PRSS54: variants seen among roughly 807,000 people sequenced by gnomAD.
PRSS54 encodes the protein inactive serine protease 54.
In PRSS54, 16 loss-of-function variants were observed where a neutral mutation model predicts 19.9. The ratio of observed to expected loss-of-function variants is 0.80; its 90% CI spans 0.54 to 1.22. The LOEUF (loss-of-function observed/expected upper bound fraction) is 1.22. PRSS54 is among the 50% of genes most tolerant of loss of function. PRSS54 has a pLI of 0.00. For synonymous variants in PRSS54, 177 were observed against 195.8 expected (o/e 0.90, Z 0.80); for missense variants, 444 against 494.8 (o/e 0.90, Z 0.97).
At position 58,291,262 on chromosome 16, in the gene PRSS54, T is replaced by C. The variant is rs955355897; in HGVS notation, c.86-126A>G. 3.6e-6 allele frequency: 3 copies of C among 844,964 alleles called. No homozygotes were observed. The African/African-American group carries it at 5.1e-5, about 14-fold the overall frequency. 52.3% of individuals were successfully genotyped at this position (844,964 alleles called of 1,614,324 possible). A position where few individuals can be genotyped will look rare whatever the true frequency, so the allele number is the denominator to read the frequency against. On this transcript the variant is annotated intron_variant, in intron 3 of 6. Coordinates refer to ENST00000567164, the MANE Select transcript of PRSS54 (RefSeq NM_001305173.2). ...CCCCTTTTCTTTCTTTTGCCTAGTG[T>C]GTCTTCTTCACCCTAAAAGATGCTC... is the stretch of plus-strand genomic sequence containing the variant.
chr16:58,291,075 G>T lies in PRSS54; in HGVS notation c.147C>A (p.Ser49Arg). The T allele has an allele frequency of 1.2e-6, 2 of 1,614,206 alleles. No homozygotes were observed. Among genetic ancestry groups the T allele is most frequent in the Non-Finnish European group, 1.7e-6 (2 of 1,180,038 alleles). Reference sequence around the variant, plus strand: ...ACACCACCCACGGGAACTCCATGCTGCTGACCAAGCCCTCCTTGGGGTCAG... The same window carrying T: ...ACACCACCCACGGGAACTCCATGCTTCTGACCAAGCCCTCCTTGGGGTCAG... ...YGPDPKEGLV[S>R]SMEFPWVVSL... The change falls in exon 4 of 7, where the codon AGC becomes AGA. Residue 49 changes from serine (S) to arginine (R), a missense_variant. By Grantham distance (110) the Ser-to-Arg change is moderately radical (BLOSUM62 -1). Transcript: ENST00000567164.
rs781369907 is a variant in PRSS54, at chr16:58,280,458, CCTT to C, written c.951_953del (p.Arg318del). 4.3e-6 allele frequency: 7 copies of C among 1,614,184 alleles called. No individual in the cohort carries two copies. The Admixed American group carries it at 1.0e-4, about 23-fold the overall frequency. On this transcript the variant is annotated inframe_deletion, in exon 7 of 7. Transcript: ENST00000567164. The stretch of plus-strand genomic sequence containing the variant: ...TTCCTAGTCGTGAATGCGTGATGGT[CCTT>C]CTTTGTCCCTGCAAGTATGATCCAA...
At chr16:58,290,454 T>G (rs1346361541) in intron 4 of PRSS54, among the ~76,000 whole-genome samples, 1 of 152,232 alleles carries the variant, frequency 6.6e-6, no homozygotes, top group Non-Finnish European at 1.5e-5. Context: ...TTACAGAATT[T>G]GCAGAATACA....
chr16:58,281,495 GA>G, intron 6 of PRSS54: 1 of 152,548 alleles, frequency 6.6e-6, no homozygotes, highest in Non-Finnish European at 1.5e-5. Context: ...GGGAAAATGG[GA>G]AAAGCAACAA....
intron 6 of PRSS54, chr16:58,281,830 G>A (rs1473174793): frequency 6.7e-6 from 1 of 148,498 alleles, no homozygotes; most frequent in East Asian, 2.0e-4. Context: ...CTGGGTGTGT[G>A]GTCTGTCTTG....
chr16:58,294,085 T>C lies in PRSS54; in HGVS notation c.-107A>G. On this transcript the variant is annotated 5_prime_UTR_variant, in exon 2 of 7. Transcript: ENST00000567164. ...GGCCAGAGAAGAGAGGGCAGCTTACTCTTGTCAGTTTTCTTCTCAATCCAG... is the reference window on the plus strand; with the variant it reads ...GGCCAGAGAAGAGAGGGCAGCTTACCCTTGTCAGTTTTCTTCTCAATCCAG... The C allele has an allele frequency of 2.2e-6, 1 of 461,554 alleles. No homozygotes were observed. Among genetic ancestry groups the C allele is most frequent in the East Asian group, 4.0e-5 (1 of 25,230 alleles). 28.6% of individuals were successfully genotyped at this position (461,554 alleles called of 1,614,324 possible).
At chr16:58,281,042 C>A (rs555785764) in intron 6 of PRSS54, 2 of 381,822 alleles carry the variant, frequency 5.2e-6, no homozygotes, top group Non-Finnish European at 9.4e-6. Context: ...TTTGGCCAAA[C>A]CTTCCCTCTC....
rs1964676399 is a variant in PRSS54, at chr16:58,280,119, A to G, written c.*105T>C. 2 of 1,172,370 alleles carry G rather than the reference A, an allele frequency of 1.7e-6. No homozygotes were observed. Among genetic ancestry groups the G allele is most frequent in the Admixed American group, 2.3e-5 (1 of 43,960 alleles). The allele number at this position is 1,172,370 out of a possible 1,614,324, so 72.6% of individuals were successfully genotyped here. On this transcript the variant is annotated 3_prime_UTR_variant, in exon 7 of 7. Coordinates refer to ENST00000567164, the MANE Select transcript of PRSS54 (RefSeq NM_001305173.2). Reference sequence around the variant, plus strand: ...TGTATGCCATGGGCTTATCCGTGGCAGCCCCAGTGTGCAACTATCAAAAAC... The same window carrying G: ...TGTATGCCATGGGCTTATCCGTGGCGGCCCCAGTGTGCAACTATCAAAAAC...
intron 4 of PRSS54, among the ~76,000 whole-genome samples, chr16:58,287,379 T>G (rs1167608992): frequency 1.3e-5 from 2 of 152,222 alleles, no homozygotes; most frequent in Admixed American, 6.5e-5. Flanking sequence ...AGGACAGCGC[T>G]GGGCACTGCA....
chr16:58,287,802 G>C (rs756535878), intron 4 of PRSS54, among the ~76,000 whole-genome samples: 4 of 152,144 alleles, frequency 2.6e-5, no homozygotes, highest in Admixed American at 6.5e-5. Context: ...GACTAACAAA[G>C]ATGAGGTCAT....
intron 6 of PRSS54, chr16:58,281,041 A>T: frequency 2.7e-6 from 1 of 373,402 alleles, no homozygotes; most frequent in Non-Finnish European, 4.8e-6. Context: ...CTTTGGCCAA[A>T]CCTTCCCTCT....
At chr16:58,293,847 C>T (rs755279007) in intron 2 of PRSS54, 25 bp from the exon 3 acceptor site, 1 of 1,584,886 alleles carries the variant, frequency 6.3e-7, no homozygotes, top group Non-Finnish European at 8.6e-7. Flanking sequence ...CCCAATGACT[C>T]CATCCTCTTC....
intron 4 of PRSS54, 65 bp downstream of exon 4, chr16:58,290,894 G>T: frequency 6.4e-7 from 1 of 1,565,506 alleles, no homozygotes. Flanking sequence ...GGCTGAGCAG[G>T]AAACAGGGTC....
intron 3 of PRSS54, among the ~76,000 whole-genome samples, chr16:58,292,617 A>G (rs1362345645): frequency 6.6e-6 from 1 of 152,194 alleles, no homozygotes; most frequent in African/African-American, 2.4e-5. Context: ...TTGCTGGAAC[A>G]ATGACAGACT....
rs769903904 is a variant in PRSS54, at chr16:58,286,094, T to C, written c.365A>G (p.Asp122Gly). Reference protein sequence around the residue: ...VNTIIIHEDFDNNSMSNNIAL... With the variant: ...VNTIIIHEDFGNNSMSNNIAL... ...TATGTTGTTGCTCATGGAGTTGTTA[T>C]CAAAGTCCTCATGGATGATGATGGT... Residue 122 changes from aspartate to glycine, a missense_variant, in exon 5 of 7, where the codon GAT becomes GGT. Coordinates refer to ENST00000567164, the MANE Select transcript of PRSS54 (RefSeq NM_001305173.2). The C allele has an allele frequency of 6.8e-6, 11 of 1,614,214 alleles. No homozygotes were observed. The East Asian group carries it at 1.6e-4, about 23-fold the overall frequency.
At chr16:58,289,541 G>A (rs781465816) in intron 4 of PRSS54, among the ~76,000 whole-genome samples, 19 of 151,180 alleles carry the variant, frequency 1.3e-4, no homozygotes, top group Non-Finnish European at 2.7e-4. Flanking sequence ...TTAACTGTAC[G>A]TCCTTTGGTT....
At chr16:58,285,791 G>T in intron 5 of PRSS54, 146 bp downstream of exon 5, 6 of 702,006 alleles carry the variant, frequency 8.5e-6, no homozygotes, top group Admixed American at 3.0e-5. Flanking sequence ...TGGGAGTCTT[G>T]ACTGATTAGG....
At position 58,280,061 on chromosome 16, in the gene PRSS54, G is replaced by T; in HGVS notation, c.*163C>A. ...TAGTGAAAGTGACCTTCCCACACCT[G>T]GGAGAGGGATAGAGGAGGGAGAGCC... On this transcript the variant is annotated 3_prime_UTR_variant, in exon 7 of 7. Transcript: ENST00000567164. 1.4e-6 allele frequency: 1 copy of T among 702,214 alleles called. No homozygotes were observed. Among genetic ancestry groups the T allele is most frequent in the Non-Finnish European group, 2.4e-6 (1 of 419,552 alleles). The allele number at this position is 702,214 out of a possible 1,614,324, so 43.5% of individuals were successfully genotyped here.
rs1964921835 is a variant in PRSS54, at chr16:58,286,344, T to C, written c.264-149A>G. On this transcript the variant is annotated intron_variant, in intron 4 of 6. Coordinates refer to ENST00000567164, the MANE Select transcript of PRSS54 (RefSeq NM_001305173.2). ...TCTTCCTCACCCCTTTGGACTCAAG[T>C]TTCTAGGAAATCTTTTATGAACCCC... The C allele has an allele frequency of 3.8e-6, 3 of 793,646 alleles. No homozygotes were observed. The African/African-American group carries it at 5.2e-5, about 14-fold the overall frequency. The allele number at this position is 793,646 out of a possible 1,614,324, so 49.2% of individuals were successfully genotyped here.
Sources: gnomAD v4.1 joint callset for allele counts (sites outside exome capture counted in the v4.1 genomes callset) on GRCh38, gnomAD v4.1.1 for gene constraint, MANE v1.5 for transcripts, NCBI Gene and HGNC (gene_info 2026-07-23, HGNC 2026-07-21) for gene names.